Variants in CAPN10 observed in about 807,000 individuals in gnomAD.
The protein encoded by CAPN10 is calpain 10.
A neutral mutation model predicts 78.4 loss-of-function variants in CAPN10; 71 were observed. That is an observed-to-expected ratio of 0.91 (90% confidence interval 0.75 to 1.10). CAPN10 has a LOEUF of 1.10. CAPN10 is among the 50% of genes least tolerant of loss of function. The probability of loss-of-function intolerance (pLI) is 0.00; values close to 1 mark genes in which losing one functional copy is unlikely to be tolerated. For synonymous variants in CAPN10, 437 were observed against 407.2 expected (o/e 1.07, Z -0.88); for missense variants, 849 against 924.6 (o/e 0.92, Z 1.06).
At chr2:240,598,567 G>A (rs915019253) in intron 11 of CAPN10, 84 bp from the exon 12 acceptor site, 17 of 1,489,792 alleles carry the variant, frequency 1.1e-5, no homozygotes, top group South Asian at 2.4e-5. Flanking sequence ...CTGAGGCTGC[G>A]TCCCATTCCC....
Position 240,597,929 on chromosome 2 carries a change from G to A in CAPN10, c.1785G>A (p.Leu595=). Residue 595 remains leucine, a synonymous_variant, in exon 10 of 12, where the codon CTG becomes CTA. Coordinates refer to ENST00000391984, the MANE Select transcript of CAPN10 (RefSeq NM_023083.4). Reference sequence around the variant, plus strand: ...GGAGCCAGGACGCACCCCCACTGCTGCTGCAGGAGCCGCTGCTGAGCTGCG... The same window carrying A: ...GGAGCCAGGACGCACCCCCACTGCTACTGCAGGAGCCGCTGCTGAGCTGCG... ...GGRSQDAPPL[L]LQEPLLSCVP... The A allele has an allele frequency of 1.2e-6, 2 of 1,611,976 alleles. No individual in the cohort carries two copies. Among genetic ancestry groups the A allele is most frequent in the South Asian group, 2.2e-5 (2 of 90,978 alleles).
At position 240,597,792 on chromosome 2, in the gene CAPN10, G is replaced by A. The variant is rs921468576; in HGVS notation, c.1744-96G>A. 5.5e-6 allele frequency: 6 copies of A among 1,086,704 alleles called. No individual in the cohort carries two copies. In the African/African-American group the frequency reaches 9.4e-5, roughly 17 times the overall value. 67.3% of individuals were successfully genotyped at this position (1,086,704 alleles called of 1,614,324 possible). The stretch of plus-strand genomic sequence containing the variant: ...CCTCCTCAGAGAAGGGGCTGTATGT[G>A]ACTCAAGAGGGCCAAGGGCATCCGA... On this transcript the variant is annotated intron_variant, in intron 9 of 11. Transcript: ENST00000391984.
chr2:240,595,688 GTGAC>G (rs1438329556), intron 7 of CAPN10, among the ~76,000 whole-genome samples: 2 of 152,246 alleles, frequency 1.3e-5, no homozygotes, highest in Non-Finnish European at 2.9e-5. Flanking sequence ...AGCTTGCTGT[GTGAC>G]CTGGCACACA....
chr2:240,596,449 C>G lies in CAPN10; in HGVS notation c.1409C>G (p.Pro470Arg), dbSNP rs760736608. ...ELSPGYYLAV[P>R]STFLKDAPGE... ...TCACCGGGCTACTACCTGGCTGTCC[C>G]CAGCACCTTCCTGAAGGACGCGCCA... The change falls in exon 8 of 12, where the codon CCC (proline) becomes CGC (arginine). Residue 470 changes from proline (P) to arginine (R), a missense_variant. Pro to Arg is a moderately radical substitution (Grantham distance 103). Coordinates refer to ENST00000391984, the MANE Select transcript of CAPN10 (RefSeq NM_023083.4). 6.2e-7 allele frequency: 1 copy of G among 1,613,628 alleles called. No individual in the cohort carries two copies.
chr2:240,592,618 C>A lies in CAPN10; in HGVS notation c.688+468C>A, dbSNP rs189776665. On this transcript the variant is annotated intron_variant, in intron 4 of 11. Transcript: ENST00000391984. ...GAGCCCAGGAGTTCAAGAGACCCGC[C>A]TGGGCAACATGGCAAGATCTCATCT... 457 of 403,440 alleles carry A rather than the reference C, an allele frequency of 1.1e-3. 2 individuals carry two copies. Among genetic ancestry groups the A allele is most frequent in the African/African-American group, 9.0e-3 (427 of 47,430 alleles). 25.0% of individuals were successfully genotyped at this position (403,440 alleles called of 1,614,324 possible). A position where few individuals can be genotyped will look rare whatever the true frequency, so the allele number is the denominator to read the frequency against.
At chr2:240,597,117 A>G (rs1336264422) in intron 9 of CAPN10, among the ~76,000 whole-genome samples, 175 bp downstream of exon 9, 1 of 152,206 alleles carries the variant, frequency 6.6e-6, no homozygotes, top group East Asian at 1.9e-4. Flanking sequence ...AACCTCTCAG[A>G]GGCAAGGCCG....
intron 3 of CAPN10, 84 bp downstream of exon 3, chr2:240,591,095 T>C: frequency 7.6e-7 from 1 of 1,313,040 alleles, no homozygotes; most frequent in Non-Finnish European, 1.1e-6. Flanking sequence ...GGGTCTCTGC[T>C]CACTCTGGGC....
chr2:240,596,102 C>G, intron 7 of CAPN10: 2 of 1,536,440 alleles, frequency 1.3e-6, no homozygotes, highest in South Asian at 2.4e-5. Flanking sequence ...GACTTGCAGG[C>G]TCGTGTCTGG....
At position 240,596,870 on chromosome 2, in the gene CAPN10, C is replaced by G. The variant is rs577695842; in HGVS notation, c.1671C>G (p.Val557=). 1 of 1,613,636 alleles carries G rather than the reference C, an allele frequency of 6.2e-7. No individual in the cohort carries two copies. ...SVPEGPGPRC[V]RITLHQHCRP... ...CCGAGGGCCCTGGCCCCCGCTGCGT[C>G]CGCATCACTCTGCATCAGCACTGCC... The change falls in exon 9 of 12, where the codon GTC becomes GTG. Residue 557 remains valine (V), a synonymous_variant. Coordinates refer to ENST00000391984, the MANE Select transcript of CAPN10 (RefSeq NM_023083.4).
Position 240,596,507 on chromosome 2 carries a change from G to T in CAPN10, c.1467G>T (p.Gly489=). The change falls in exon 8 of 12, where the codon GGG becomes GGT. Residue 489 remains glycine, a synonymous_variant. Transcript: ENST00000391984. ...GEFLLRVFST[G]RVSLSAIRAV... is the part of the protein sequence containing the mutation. ...TCCTGCTCCGAGTCTTCTCTACCGG[G>T]CGAGTCTCCCTTAGGTGAGAGGAAC... is the stretch of plus-strand genomic sequence containing the variant. 1 of 1,608,742 alleles carries T rather than the reference G, an allele frequency of 6.2e-7. No individual in the cohort carries two copies. The highest frequency in any genetic ancestry group is 8.5e-7 in the Non-Finnish European group (1 of 1,176,370).
chr2:240,592,620 G>A (rs1266805074), intron 4 of CAPN10: 5 of 399,384 alleles, frequency 1.3e-5, no homozygotes, highest in African/African-American at 2.1e-5. Context: ...AGACCCGCCT[G>A]GGCAACATGG....
At position 240,596,533 on chromosome 2, in the gene CAPN10, C is replaced by T. The variant is rs375878738; in HGVS notation, c.1481+12C>T. The stretch of plus-strand genomic sequence containing the variant: ...CGAGTCTCCCTTAGGTGAGAGGAAC[C>T]GCGCAGTGCTGCTGGCTCTCCGAGG... On this transcript the variant is annotated intron_variant, in intron 8 of 11. Coordinates refer to ENST00000391984, the MANE Select transcript of CAPN10 (RefSeq NM_023083.4). The T allele has an allele frequency of 5.4e-5, 86 of 1,589,824 alleles. No homozygotes were observed. The highest frequency in any genetic ancestry group is 7.0e-5 in the Non-Finnish European group (81 of 1,163,780).
At chr2:240,593,504 A>G (rs1471501937) in intron 4 of CAPN10, among the ~76,000 whole-genome samples, 1 of 152,218 alleles carries the variant, frequency 6.6e-6, no homozygotes, top group Non-Finnish European at 1.5e-5. Context: ...TGAATGTCCT[A>G]CCTCTAGCAG....
rs748382378 is a variant in CAPN10, at chr2:240,596,637, G to A, written c.1482-44G>A. 23 of 1,529,136 alleles carry A rather than the reference G, an allele frequency of 1.5e-5. No homozygotes were observed. The East Asian group carries it at 1.8e-4, about 12-fold the overall frequency. 94.7% of individuals were successfully genotyped at this position (1,529,136 alleles called of 1,614,324 possible). A position where few individuals can be genotyped will look rare whatever the true frequency, so the allele number is the denominator to read the frequency against. On this transcript the variant is annotated intron_variant, in intron 8 of 11. Transcript: ENST00000391984. ...TGTCCATGTGGGAACTGAGGCCACC[G>A]GGAACCTGCTGCCAGCGCCCTCCCA...
intron 3 of CAPN10, 74 bp from the exon 4 acceptor site, chr2:240,591,859 A>G: frequency 1.4e-6 from 2 of 1,382,850 alleles, no homozygotes; most frequent in East Asian, 2.4e-5. Flanking sequence ...TTGGGGTGCT[A>G]CAGACCATGG....
chr2:240,595,028 G>T lies in CAPN10; in HGVS notation c.1002G>T (p.Arg334Ser). ...TGCCTGGTGTTTTCTCACTAGAGAG[G>T]CTGCTCTGCCATACGCGGGCGCTGC... ...AGHLQSLYTE[R>S]LLCHTRALPG... Residue 334 changes from arginine to serine, a missense_variant, in exon 7 of 12, where the codon AGG becomes AGT. Coordinates refer to ENST00000391984, the MANE Select transcript of CAPN10 (RefSeq NM_023083.4). The T allele has an allele frequency of 6.2e-7, 1 of 1,612,916 alleles. No individual in the cohort carries two copies. Among genetic ancestry groups the T allele is most frequent in the Non-Finnish European group, 8.5e-7 (1 of 1,179,972 alleles).
chr2:240,595,658 A>G (rs984989277), intron 7 of CAPN10, among the ~76,000 whole-genome samples: 3 of 152,242 alleles, frequency 2.0e-5, no homozygotes, highest in African/African-American at 7.2e-5. Context: ...AGGACCTGTC[A>G]GGGCCAGTCC....
Position 240,586,983 on chromosome 2 carries a change from C to A in CAPN10, c.72C>A (p.Ser24=). 1 of 1,485,884 alleles carries A rather than the reference C, an allele frequency of 6.7e-7. No individual in the cohort carries two copies. The highest frequency in any genetic ancestry group is 8.9e-7 in the Non-Finnish European group (1 of 1,117,650). 92.0% of individuals were successfully genotyped at this position (1,485,884 alleles called of 1,614,324 possible). ...ACGCCGCCTTCCCCGCCGCGGACTC[C>A]TCGCTCTTCTGCGACTTGTCTACGC... is the stretch of plus-strand genomic sequence containing the variant. ...FRDAAFPAAD[S]SLFCDLSTPL... Residue 24 remains serine, a synonymous_variant, in exon 1 of 12, where the codon TCC becomes TCA. Transcript: ENST00000391984.
intron 7 of CAPN10, chr2:240,596,112 G>A: frequency 6.5e-6 from 10 of 1,531,148 alleles, no homozygotes; most frequent in Non-Finnish European, 8.8e-6. Context: ...CTCGTGTCTG[G>A]GACAGATACT....
Sources: allele counts gnomAD v4.1 joint callset (sites outside exome capture counted in the v4.1 genomes callset), GRCh38; gene constraint gnomAD v4.1.1; transcripts MANE v1.5; gene names NCBI Gene and HGNC (gene_info 2026-07-23, HGNC 2026-07-21).